Variants in PCYT1B observed in about 807,000 individuals in gnomAD.
The protein encoded by PCYT1B is phosphate cytidylyltransferase 1B, choline, also known as choline-phosphate cytidylyltransferase B.
A neutral mutation model predicts 26.4 loss-of-function variants in PCYT1B; 10 were observed. The observed-to-expected ratio is 0.38, with a 90% CI of 0.23 to 0.64. The LOEUF is 0.64. Ranked by LOEUF, PCYT1B falls within the 30% of genes least tolerant of loss-of-function variation. PCYT1B has a pLI of 0.56. For synonymous variants in PCYT1B, 131 were observed against 108.4 expected (o/e 1.21, Z -1.29); for missense variants, 161 against 292.7 (o/e 0.55, Z 3.28).
intron 1 of PCYT1B, among the ~76,000 whole-genome samples, chrX:24,630,445 A>G (rs898548452): frequency 1.1e-4 from 12 of 110,118 alleles, no homozygotes; most frequent in African/African-American, 3.3e-4. Flanking sequence ...ACAGGTGCCC[A>G]CCACCACGCC....
chrX:24,666,598 T>C (rs759649722), intron 1 of PCYT1B, among the ~76,000 whole-genome samples: 10 of 73,513 alleles, frequency 1.4e-4, no homozygotes, highest in African/African-American at 4.9e-4. Context: ...TTTCCGTGTA[T>C]GTGTGTGAGT....
chrX:24,564,625 T>G (rs1390038651), intron 7 of PCYT1B, among the ~76,000 whole-genome samples: 1 of 111,092 alleles, frequency 9.0e-6, no homozygotes, highest in African/African-American at 3.3e-5. Flanking sequence ...GTGCTGGGAT[T>G]ACAGGTGTGA....
In PCYT1B at chrX:24,574,130, G is replaced by C. The variant is rs61762682; in HGVS notation, c.897+1000C>G. 7.0e-3 allele frequency among the ~76,000 whole-genome samples: 779 copies of C among 111,832 alleles called. 8 individuals carry two copies. The highest frequency in any genetic ancestry group is 0.024 in the African/African-American group (753 of 30,922). The stretch of plus-strand genomic sequence containing the variant: ...TCAATAAAATAATTAAGTCAAAGTG[G>C]ATTTTGGTAGAGACTTCTCATATTA... On this transcript the variant is annotated intron_variant, in intron 7 of 7. Transcript: ENST00000379144.
At chrX:24,656,551 C>CTTTTTT (rs1179469896) in intron 1 of PCYT1B, among the ~76,000 whole-genome samples, 20 of 56,635 alleles carry the variant, frequency 3.5e-4, no homozygotes, top group South Asian at 1.1e-3. Flanking sequence ...TCTTTTTTTC[C>CTTTTTT]TTTTTTTTTT....
At chrX:24,630,453 G>A (rs1055127952) in intron 1 of PCYT1B, among the ~76,000 whole-genome samples, 2 of 109,229 alleles carry the variant, frequency 1.8e-5, no homozygotes, top group African/African-American at 6.9e-5. Flanking sequence ...CCACCACCAC[G>A]CCCGGCTAAT....
rs1345986477 is a variant in PCYT1B, at chrX:24,561,987, AG to A, written c.*305del. 1.2e-6 allele frequency: 1 copy of A among 867,775 alleles called. No homozygotes were observed. Among genetic ancestry groups the A allele is most frequent in the Non-Finnish European group, 1.7e-6 (1 of 594,459 alleles). The allele number at this position is 867,775 out of a possible 1,213,427, so 71.5% of individuals were successfully genotyped here. Reference sequence around the variant, plus strand: ...GGGGTGGTGGAAGGACCAAAGCAGAAGTCACCCCATCAGTGCAAGTCTCTCT... The same window carrying A: ...GGGGTGGTGGAAGGACCAAAGCAGAATCACCCCATCAGTGCAAGTCTCTCT... On this transcript the variant is annotated 3_prime_UTR_variant, in exon 8 of 8. Coordinates refer to ENST00000379144, the MANE Select transcript of PCYT1B (RefSeq NM_004845.5).
chrX:24,571,073 A>T (rs1474196063), intron 7 of PCYT1B, among the ~76,000 whole-genome samples: 8 of 112,313 alleles, frequency 7.1e-5, no homozygotes, highest in African/African-American at 2.6e-4. Flanking sequence ...GTCTATATCT[A>T]TATATTTATC....
In PCYT1B at chrX:24,607,728, G is replaced by T; in HGVS notation, c.334+17C>A. The T allele has an allele frequency of 1.1e-6, 1 of 942,828 alleles. No individual in the cohort carries two copies. The highest frequency in any genetic ancestry group is 1.5e-6 in the Non-Finnish European group (1 of 661,362). 77.7% of individuals were successfully genotyped at this position (942,828 alleles called of 1,213,427 possible). ...AATAAAAGAGTTTTCTAGACAAAAA[G>T]AAAATGCACTTCTTACCTCCTACCA... On this transcript the variant is annotated intron_variant, in intron 3 of 7. Coordinates refer to ENST00000379144, the MANE Select transcript of PCYT1B (RefSeq NM_004845.5).
upstream of PCYT1B, among the ~76,000 whole-genome samples, chrX:24,651,472 AATATATAT>A (rs200652780): frequency 9.3e-3 from 243 of 26,010 alleles, 8 homozygotes; most frequent in African/African-American, 0.043. Flanking sequence ...AAAAAAAAAA[AATATATAT>A]ATATATATAT....
At chrX:24,579,199 A>AT in intron 6 of PCYT1B, 117 bp downstream of exon 6, 1 of 475,816 alleles carries the variant, frequency 2.1e-6, no homozygotes. Context: ...AAAAAAAAAA[A>AT]AGAGAGAGAG....
chrX:24,625,205 C>T (rs1252428502), intron 1 of PCYT1B, among the ~76,000 whole-genome samples: 1 of 112,293 alleles, frequency 8.9e-6, no homozygotes, highest in East Asian at 2.8e-4. Flanking sequence ...TCCAGGTAGG[C>T]CTTTTGCTGT....
At chrX:24,601,562 G>A (rs1455643533) in intron 3 of PCYT1B, among the ~76,000 whole-genome samples, 1 of 106,392 alleles carries the variant, frequency 9.4e-6, no homozygotes, top group East Asian at 2.9e-4. Flanking sequence ...ATAAAGGACC[G>A]CTACCCAAAA....
At chrX:24,672,614 A>C in exon 1 of PCYT1B, 1 of 1,204,289 alleles carries the variant, frequency 8.3e-7, no homozygotes, top group Non-Finnish European at 1.1e-6. Context: ...TCCATGATGC[A>C]CTCCTGATGG....
At chrX:24,635,009 G>A (rs1926228687) in intron 1 of PCYT1B, among the ~76,000 whole-genome samples, 1 of 111,824 alleles carries the variant, frequency 8.9e-6, no homozygotes, top group Non-Finnish European at 1.9e-5. Context: ...ATCACCTTGA[G>A]ATATTAGCTA....
intron 1 of PCYT1B, among the ~76,000 whole-genome samples, chrX:24,635,755 A>G (rs1380111440): frequency 8.9e-6 from 1 of 111,896 alleles, no homozygotes; most frequent in East Asian, 2.8e-4. Flanking sequence ...ACTGTGGGGT[A>G]AAGTAGATTA....
At chrX:24,669,800 G>A (rs1298056360) in intron 1 of PCYT1B, among the ~76,000 whole-genome samples, 2 of 108,792 alleles carry the variant, frequency 1.8e-5, no homozygotes, top group African/African-American at 6.7e-5. Flanking sequence ...CCAGTGCGTT[G>A]GGAGGTTTAG....
chrX:24,590,282 C>T, intron 3 of PCYT1B, 108 bp from the exon 4 acceptor site: 2 of 629,514 alleles, frequency 3.2e-6, no homozygotes, highest in Non-Finnish European at 4.7e-6. Flanking sequence ...CACAGCCTCG[C>T]TAGGTGCTTG....
At chrX:24,622,085 C>G (rs1925718142) in intron 1 of PCYT1B, among the ~76,000 whole-genome samples, 2 of 112,368 alleles carry the variant, frequency 1.8e-5, no homozygotes, top group Non-Finnish European at 3.7e-5. Context: ...GCACAGGTGA[C>G]TATCTTTAAC....
intron 5 of PCYT1B, 83 bp downstream of exon 5, chrX:24,587,158 G>T: frequency 1.5e-6 from 1 of 672,679 alleles, no homozygotes; most frequent in Non-Finnish European, 2.4e-6. Context: ...ATACACTGCA[G>T]ATGTCCCAGG....
Sources: gnomAD v4.1 joint callset for allele counts (sites outside exome capture counted in the v4.1 genomes callset) on GRCh38, gnomAD v4.1.1 for gene constraint, MANE v1.5 for transcripts, NCBI Gene and HGNC (gene_info 2026-07-23, HGNC 2026-07-21) for gene names.